Variants in SLC37A3 observed in about 807,000 individuals in gnomAD.
SLC37A3 encodes the protein sugar phosphate exchanger 3.
A neutral mutation model predicts 67.1 loss-of-function variants in SLC37A3; 51 were observed. That is an observed-to-expected ratio of 0.76 (90% CI 0.61 to 0.96). The LOEUF is 0.96. Among genes scored for constraint, SLC37A3 ranks in the 40% least tolerant of loss-of-function variants. The pLI, the probability that SLC37A3 is intolerant of heterozygous loss-of-function variation, is 0.00. For synonymous variants in SLC37A3, 214 were observed against 231.4 expected (o/e 0.92, Z 0.68); for missense variants, 508 against 603.0 (o/e 0.84, Z 1.65).
At chr7:140,376,544 G>T (rs1303891846) in intron 3 of SLC37A3, among the ~76,000 whole-genome samples, 1 of 152,162 alleles carries the variant, frequency 6.6e-6, no homozygotes. Context: ...GGTACTTCCT[G>T]TGCACACACT....
chr7:140,390,585 A>G (rs1315842420), intron 1 of SLC37A3, among the ~76,000 whole-genome samples: 2 of 152,054 alleles, frequency 1.3e-5, no homozygotes, highest in African/African-American at 4.8e-5. Flanking sequence ...TGTTCCCCAT[A>G]GATGTCAGGG....
At chr7:140,350,583 T>G (rs1363095751) in intron 9 of SLC37A3, among the ~76,000 whole-genome samples, 7 of 152,040 alleles carry the variant, frequency 4.6e-5, no homozygotes, top group Non-Finnish European at 1.0e-4. Context: ...GCTAACACAG[T>G]GAAACCCTGT....
At chr7:140,373,030 C>T (rs1313103928) in intron 3 of SLC37A3, among the ~76,000 whole-genome samples, 3 of 152,260 alleles carry the variant, frequency 2.0e-5, no homozygotes, top group East Asian at 3.9e-4. Context: ...CGGCTCACTG[C>T]GACCTCCGCC....
At chr7:140,340,852 G>T (rs1266039004) in intron 13 of SLC37A3, among the ~76,000 whole-genome samples, 1 of 151,896 alleles carries the variant, frequency 6.6e-6, no homozygotes, top group Non-Finnish European at 1.5e-5. Flanking sequence ...AATTGCTTGA[G>T]TCCCAGAAGG....
At chr7:140,352,261 C>T (rs1034171913) in intron 7 of SLC37A3, 115 bp from the exon 8 acceptor site, 3 of 818,640 alleles carry the variant, frequency 3.7e-6, no homozygotes, top group Non-Finnish European at 5.9e-6. Context: ...GAAGGGAGAC[C>T]GGGAAGCAAG....
chr7:140,352,767 G>A (rs766548405), intron 7 of SLC37A3, among the ~76,000 whole-genome samples: 1 of 152,144 alleles, frequency 6.6e-6, no homozygotes. Flanking sequence ...CTTCTGCTAG[G>A]GGATAATCAG....
chr7:140,376,194 A>C (rs934392273), intron 3 of SLC37A3, among the ~76,000 whole-genome samples: 1 of 152,220 alleles, frequency 6.6e-6, no homozygotes, highest in Non-Finnish European at 1.5e-5. Flanking sequence ...TTGACTGTTG[A>C]CTTAAATGGA....
At chr7:140,369,297 A>C (rs1797727439) in intron 4 of SLC37A3, among the ~76,000 whole-genome samples, 1 of 152,200 alleles carries the variant, frequency 6.6e-6, no homozygotes, top group Non-Finnish European at 1.5e-5. Flanking sequence ...TCTATAATTT[A>C]TTTGTAGCAT....
chr7:140,383,740 G>C (rs560067908), intron 1 of SLC37A3, among the ~76,000 whole-genome samples: 4 of 151,890 alleles, frequency 2.6e-5, no homozygotes, highest in Admixed American at 1.3e-4. Context: ...ACAGTGGCAC[G>C]ATCTCGACTC....
At chr7:140,359,187 TA>T (rs1460084396) in intron 5 of SLC37A3, among the ~76,000 whole-genome samples, 2 of 150,526 alleles carry the variant, frequency 1.3e-5, no homozygotes, top group African/African-American at 5.0e-5. Context: ...AATGAAATTA[TA>T]AAAAATTAGC....
intron 4 of SLC37A3, among the ~76,000 whole-genome samples, chr7:140,369,139 G>A (rs543810711): frequency 1.1e-4 from 17 of 152,194 alleles, no homozygotes; most frequent in African/African-American, 2.9e-4. Context: ...ACACCGACTC[G>A]CTCACCTGCT....
chr7:140,361,198 TAGGG>T, intron 5 of SLC37A3, among the ~76,000 whole-genome samples: 1 of 77,288 alleles, frequency 1.3e-5, no homozygotes, highest in East Asian at 4.7e-4. Context: ...AGGAGCAGGA[TAGGG>T]CCAGGTGCGG....
chr7:140,385,440 C>G (rs1230322806), intron 1 of SLC37A3, among the ~76,000 whole-genome samples: 1 of 152,172 alleles, frequency 6.6e-6, no homozygotes, highest in Non-Finnish European at 1.5e-5. Context: ...AAACTTTAAT[C>G]ATTCTCTATG....
chr7:140,363,926 G>A (rs1340280771), intron 5 of SLC37A3, among the ~76,000 whole-genome samples: 3 of 152,054 alleles, frequency 2.0e-5, no homozygotes, highest in Non-Finnish European at 4.4e-5. Context: ...TGGTGCCTGA[G>A]GGACAACAAA....
chr7:140,391,000 A>T (rs919466826), intron 1 of SLC37A3, among the ~76,000 whole-genome samples: 2 of 152,188 alleles, frequency 1.3e-5, no homozygotes, highest in Admixed American at 6.6e-5. Flanking sequence ...TCACTCAAGC[A>T]GGCTGATTTC....
intron 3 of SLC37A3, among the ~76,000 whole-genome samples, chr7:140,373,931 T>C (rs902676892): frequency 4.6e-5 from 7 of 152,208 alleles, no homozygotes; most frequent in Non-Finnish European, 1.0e-4. Context: ...TTATTTTGTT[T>C]TGAAAAAGTC....
chr7:140,356,670 G>A (rs952539984), intron 6 of SLC37A3, among the ~76,000 whole-genome samples: 2 of 152,060 alleles, frequency 1.3e-5, no homozygotes, highest in African/African-American at 4.8e-5. Context: ...GTGACAGGGC[G>A]AGACCCTGTT....
chr7:140,367,417 G>C (rs1797645692), intron 4 of SLC37A3, among the ~76,000 whole-genome samples: 1 of 152,006 alleles, frequency 6.6e-6, no homozygotes, highest in Non-Finnish European at 1.5e-5. Context: ...GCCTGGGCAA[G>C]AGAGCAAGAC....
Position 140,338,271 on chromosome 7 carries a change from CT to C in SLC37A3, c.1327-923del, listed in dbSNP as rs886661345. ...ACCAACACTACCATCTATTTCCAAA[CT>C]TTTTCATCATCCAAATAGAAACTCT... On this transcript the variant is annotated intron_variant, in intron 13 of 14. Transcript: ENST00000326232. Among the ~76,000 whole-genome samples the C allele has an allele frequency of 9.7e-4, 147 of 152,276 alleles. 2 individuals are homozygous for C. Among genetic ancestry groups the C allele is most frequent in the African/African-American group, 3.5e-3 (145 of 41,550 alleles).
Sources: allele counts gnomAD v4.1 joint callset (sites outside exome capture counted in the v4.1 genomes callset), GRCh38; gene constraint gnomAD v4.1.1; transcripts MANE v1.5; gene names NCBI Gene and HGNC (gene_info 2026-07-23, HGNC 2026-07-21).